SLC24A3: variants seen among roughly 807,000 people sequenced by gnomAD.
SLC24A3 encodes sodium/potassium/calcium exchanger 3.
In SLC24A3, 28 loss-of-function variants were observed where a neutral mutation model predicts 75.8. The observed-to-expected ratio is 0.37, with a 90% CI of 0.27 to 0.51. The LOEUF is 0.51. SLC24A3 is among the 20% of genes least tolerant of loss of function. The pLI, the probability that SLC24A3 is intolerant of heterozygous loss-of-function variation, is 0.94. For missense variants in SLC24A3, 663 were observed against 847.8 expected (o/e 0.78, Z 2.71); for synonymous variants, 372 against 334.1 (o/e 1.11, Z -1.24).
intron 6 of SLC24A3, among the ~76,000 whole-genome samples, chr20:19,636,681 G>A (rs2032006647): frequency 6.6e-6 from 1 of 152,034 alleles, no homozygotes; most frequent in Non-Finnish European, 1.5e-5. Context: ...GGAGGAATTT[G>A]GGCAAATAGA....
At chr20:19,663,931 G>A (rs142235096) in intron 7 of SLC24A3, among the ~76,000 whole-genome samples, 1 of 152,286 alleles carries the variant, frequency 6.6e-6, no homozygotes, top group East Asian at 1.9e-4. Flanking sequence ...CAGGGTGAGC[G>A]ATCTCCAAGC....
chr20:19,516,883 C>A (rs1419509778), intron 3 of SLC24A3, among the ~76,000 whole-genome samples: 1 of 152,192 alleles, frequency 6.6e-6, no homozygotes, highest in Non-Finnish European at 1.5e-5. Flanking sequence ...TCAGAGAAGA[C>A]ATGGGCTTGA....
intron 3 of SLC24A3, among the ~76,000 whole-genome samples, chr20:19,526,687 A>G (rs924368900): frequency 1.3e-5 from 2 of 152,186 alleles, no homozygotes; most frequent in African/African-American, 2.4e-5. Flanking sequence ...TGGTGGGGAG[A>G]GTGGGTTTTC....
chr20:19,251,822 T>C (rs1299432824), intron 1 of SLC24A3, among the ~76,000 whole-genome samples: 1 of 152,132 alleles, frequency 6.6e-6, no homozygotes, highest in Non-Finnish European at 1.5e-5. Flanking sequence ...ATCAGGACAC[T>C]GCACCAGGGC....
chr20:19,657,116 T>C (rs1373307828), intron 7 of SLC24A3, among the ~76,000 whole-genome samples: 2 of 152,350 alleles, frequency 1.3e-5, no homozygotes, highest in Middle Eastern at 3.4e-3. Context: ...AAGCAAATGA[T>C]TCTTTGCTGT....
chr20:19,626,194 T>C (rs1294331135), intron 6 of SLC24A3, among the ~76,000 whole-genome samples: 1 of 152,236 alleles, frequency 6.6e-6, no homozygotes, highest in Non-Finnish European at 1.5e-5. Context: ...TTCCAAGCTC[T>C]ATAGTAAGAC....
At position 19,681,868 on chromosome 20, in the gene SLC24A3, T is replaced by C; in HGVS notation, c.778T>C (p.Cys260Arg). ...IYIVIMKYNA[C>R]IHQCFERRTK... is the part of the protein sequence containing the mutation. The stretch of plus-strand genomic sequence containing the variant: ...TGTCGCTTTGCTCAGATATAACGCT[T>C]GCATACATCAGTGCTTTGAGAGGAG... Residue 260 changes from cysteine (C) to arginine (R), a missense_variant, in exon 10 of 17, where the codon TGC becomes CGC. This residue lies in a region of SLC24A3 where 510 missense variants were observed against 703.6 expected (regional missense o/e 0.72). Coordinates refer to ENST00000328041, the MANE Select transcript of SLC24A3 (RefSeq NM_020689.4). 1 of 1,614,166 alleles carries C rather than the reference T, an allele frequency of 6.2e-7. No individual in the cohort carries two copies. The highest frequency in any genetic ancestry group is 8.5e-7 in the Non-Finnish European group (1 of 1,180,004).
At chr20:19,462,983 T>C (rs1987703483) in intron 2 of SLC24A3, among the ~76,000 whole-genome samples, 1 of 152,228 alleles carries the variant, frequency 6.6e-6, no homozygotes, top group African/African-American at 2.4e-5. Flanking sequence ...TAAGAAAATG[T>C]GTCTTATCCA....
intron 1 of SLC24A3, among the ~76,000 whole-genome samples, chr20:19,219,654 T>C (rs960218450): frequency 1.3e-5 from 2 of 151,936 alleles, no homozygotes; most frequent in African/African-American, 4.8e-5. Flanking sequence ...TGTAGAAAAA[T>C]AGGCAAAAGA....
At chr20:19,639,384 G>C (rs543660613) in intron 6 of SLC24A3, among the ~76,000 whole-genome samples, 2 of 151,696 alleles carry the variant, frequency 1.3e-5, no homozygotes, top group South Asian at 4.2e-4. Context: ...CCCCACAAGA[G>C]TAGCTAGATA....
At chr20:19,217,339 A>G (rs752169393) in intron 1 of SLC24A3, among the ~76,000 whole-genome samples, 3 of 152,166 alleles carry the variant, frequency 2.0e-5, no homozygotes, top group Non-Finnish European at 4.4e-5. Flanking sequence ...TTAAAAACCC[A>G]AGGATCTGAA....
intron 15 of SLC24A3, among the ~76,000 whole-genome samples, chr20:19,701,846 TC>T (rs1211199387): frequency 6.6e-6 from 1 of 152,090 alleles, no homozygotes; most frequent in African/African-American, 2.4e-5. Context: ...AAACCTGGGC[TC>T]TAAACAACCT....
At chr20:19,702,092 T>A (rs1369456177) in intron 15 of SLC24A3, among the ~76,000 whole-genome samples, 1 of 152,226 alleles carries the variant, frequency 6.6e-6, no homozygotes, top group Non-Finnish European at 1.5e-5. Flanking sequence ...GAAATCTTCC[T>A]GACTAGACAT....
chr20:19,678,578 T>A (rs1236921877), intron 9 of SLC24A3, among the ~76,000 whole-genome samples: 4 of 130,104 alleles, frequency 3.1e-5, no homozygotes, highest in Admixed American at 1.5e-4. Context: ...CACTTCCCAG[T>A]AGGGGCGGCT....
At chr20:19,307,055 G>A (rs778149019) in intron 2 of SLC24A3, among the ~76,000 whole-genome samples, 7 of 152,150 alleles carry the variant, frequency 4.6e-5, no homozygotes, top group Non-Finnish European at 8.8e-5. Flanking sequence ...ATATTGGTTG[G>A]AGTGGGGTCA....
At chr20:19,372,948 G>A (rs1300337331) in intron 2 of SLC24A3, among the ~76,000 whole-genome samples, 5 of 152,124 alleles carry the variant, frequency 3.3e-5, no homozygotes, top group Non-Finnish European at 7.3e-5. Flanking sequence ...GTTTCCTGTG[G>A]TGGCCCCAGG....
At chr20:19,482,103 G>A (rs375680239) in intron 2 of SLC24A3, among the ~76,000 whole-genome samples, 3 of 152,204 alleles carry the variant, frequency 2.0e-5, no homozygotes, top group Non-Finnish European at 4.4e-5. Flanking sequence ...CAGCCAGAAT[G>A]ATCCTTCAAG....
chr20:19,543,716 GC>G (rs907397776), intron 3 of SLC24A3, among the ~76,000 whole-genome samples: 1 of 152,168 alleles, frequency 6.6e-6, no homozygotes, highest in African/African-American at 2.4e-5. Context: ...TTTGTGCGTA[GC>G]CAACCCCCAG....
chr20:19,449,983 A>G (rs1440029560), intron 2 of SLC24A3, among the ~76,000 whole-genome samples: 2 of 152,046 alleles, frequency 1.3e-5, no homozygotes, highest in African/African-American at 4.8e-5. Context: ...TTTTTTCAAG[A>G]AACAGAGCTA....
Sources: allele counts gnomAD v4.1 joint callset (sites outside exome capture counted in the v4.1 genomes callset), GRCh38; gene constraint gnomAD v4.1.1; regional missense constraint gnomAD v4.1.1; transcripts MANE v1.5; gene names NCBI Gene and HGNC (gene_info 2026-07-23, HGNC 2026-07-21).